Variants in GRID2IP observed in about 807,000 individuals in gnomAD.
GRID2IP encodes the protein delphilin.
A neutral mutation model predicts 114.3 loss-of-function variants in GRID2IP; 78 were observed. The ratio of observed to expected loss-of-function variants is 0.68; its 90% CI spans 0.57 to 0.82. The LOEUF (loss-of-function observed/expected upper bound fraction) is 0.82. GRID2IP is among the 40% of genes least tolerant of loss of function. The pLI, the probability that GRID2IP is intolerant of heterozygous loss-of-function variation, is 0.00. For missense variants in GRID2IP, 1,727 were observed against 1,678.5 expected (o/e 1.03, Z -0.51); for synonymous variants, 809 against 724.0 (o/e 1.12, Z -1.89).
intron 4 of GRID2IP, among the ~76,000 whole-genome samples, chr7:6,525,942 G>C (rs1779501617): frequency 6.6e-6 from 1 of 152,166 alleles, no homozygotes; most frequent in South Asian, 2.1e-4. Context: ...GCAGAACCTG[G>C]TTCCCTTGGC....
chr7:6,521,942 T>A lies in GRID2IP; in HGVS notation c.935A>T (p.Asn312Ile), dbSNP rs1280464883. 2 of 1,551,364 alleles carry A rather than the reference T, an allele frequency of 1.3e-6. No individual in the cohort carries two copies. The highest frequency in any genetic ancestry group is 1.7e-6 in the Non-Finnish European group (2 of 1,146,830). ...CCGGTCACCTGACTTGAGGGCAGCA[T>A]TGTCAGCTGGGCTCCCTGGAAGCAA... The part of the protein sequence containing the change: ...ESVLPGSPAD[N>I]AALKSGDRIL... The change falls in exon 5 of 22, where the codon AAT becomes ATT. Residue 312 changes from asparagine (N) to isoleucine (I), a missense_variant. By Grantham distance (149) the Asn-to-Ile change is moderately radical. Transcript: ENST00000457091. This position sits in a 1 kb window ranked among gnomAD's most constrained non-coding sequence, Gnocchi z 4.1.
intron 8 of GRID2IP, among the ~76,000 whole-genome samples, chr7:6,513,788 A>C (rs939331250): frequency 6.6e-5 from 10 of 151,954 alleles, no homozygotes; most frequent in Non-Finnish European, 1.3e-4. Context: ...CGGCTGTAAG[A>C]CCTCATAGGT....
chr7:6,512,642 T>A (rs938839480), intron 8 of GRID2IP, among the ~76,000 whole-genome samples: 2 of 151,792 alleles, frequency 1.3e-5, no homozygotes, highest in Admixed American at 6.6e-5. Context: ...TCCCGAGTAG[T>A]TGGAATTACA....
At position 6,526,804 on chromosome 7, in the gene GRID2IP, C is replaced by T; in HGVS notation, c.585-35G>A. 6.8e-7 allele frequency: 1 copy of T among 1,474,570 alleles called. No homozygotes were observed. The highest frequency in any genetic ancestry group is 1.5e-5 in the African/African-American group (1 of 67,870). The allele number at this position is 1,474,570 out of a possible 1,614,324, so 91.3% of individuals were successfully genotyped here. A position where few individuals can be genotyped will look rare whatever the true frequency, so the allele number is the denominator to read the frequency against. On this transcript the variant is annotated intron_variant, in intron 2 of 21. Coordinates refer to ENST00000457091, the MANE Select transcript of GRID2IP (RefSeq NM_001145118.2). This position sits in a 1 kb window ranked among gnomAD's most constrained non-coding sequence, Gnocchi z 7.6. ...AGGACGGCGGAGTCGGGGCGCGTTCCCGGACCCCGGATCTCTGCAAACCGC... is the reference window on the plus strand; with the variant it reads ...AGGACGGCGGAGTCGGGGCGCGTTCTCGGACCCCGGATCTCTGCAAACCGC...
chr7:6,503,281 G>T, intron 16 of GRID2IP, 118 bp from the exon 17 acceptor site: 1 of 1,161,728 alleles, frequency 8.6e-7, no homozygotes, highest in Non-Finnish European at 1.2e-6. Flanking sequence ...TATTCCGGTA[G>T]GAAGAATAAG....
chr7:6,514,541 T>C lies in GRID2IP; in HGVS notation c.1269-12A>G, dbSNP rs778201484. ...GGGTGTCGATGTTCCTGGGGGAAGGTGCAGGAATGTGAGGCTCAATACTCA... is the reference window on the plus strand; with the variant it reads ...GGGTGTCGATGTTCCTGGGGGAAGGCGCAGGAATGTGAGGCTCAATACTCA... On this transcript the variant is annotated splice_polypyrimidine_tract_variant and intron_variant, in intron 7 of 21. Coordinates refer to ENST00000457091, the MANE Select transcript of GRID2IP (RefSeq NM_001145118.2). 4.9e-5 allele frequency: 74 copies of C among 1,499,224 alleles called. 1 individual carries two copies. In the South Asian group the frequency reaches 8.8e-4, roughly 18 times the overall value. 92.9% of individuals were successfully genotyped at this position (1,499,224 alleles called of 1,614,324 possible). A position where few individuals can be genotyped will look rare whatever the true frequency, so the allele number is the denominator to read the frequency against.
At chr7:6,548,603 C>T (rs546215459) in intron 1 of GRID2IP, among the ~76,000 whole-genome samples, 13 of 151,708 alleles carry the variant, frequency 8.6e-5, no homozygotes, top group Middle Eastern at 6.8e-3. Flanking sequence ...TCTGGGAGGC[C>T]GCAGCAGATG....
chr7:6,510,370 G>A lies in GRID2IP; in HGVS notation c.1684C>T (p.Arg562Ter), dbSNP rs1786739073. ...MSAVYAELES[R>*]LNSSFKGKMG... ...TTCCCTTTGAAGCTGCTGTTCAGTC[G>A]AGACTCAAGCTCTGCATAGACGGCT... is the stretch of plus-strand genomic sequence containing the variant. The change falls in exon 11 of 22, where the codon CGA (arginine) becomes TGA (stop). Residue 562 changes from arginine (R) to a stop codon, truncating the protein, a stop_gained. Coordinates refer to ENST00000457091, the MANE Select transcript of GRID2IP (RefSeq NM_001145118.2). LOFTEE classifies it high-confidence loss of function. The A allele has an allele frequency of 6.5e-7, 1 of 1,545,892 alleles. No homozygotes were observed. The highest frequency in any genetic ancestry group is 8.7e-7 in the Non-Finnish European group (1 of 1,144,406).
intron 21 of GRID2IP, 55 bp from the exon 22 acceptor site, chr7:6,497,900 G>A (rs1786301251): frequency 1.4e-6 from 2 of 1,463,304 alleles, no homozygotes; most frequent in South Asian, 2.5e-5. Context: ...AACCTGTGAC[G>A]CCTTCCCTGT....
At chr7:6,499,128 T>C (rs1295161390) in intron 20 of GRID2IP, among the ~76,000 whole-genome samples, 1 of 152,170 alleles carries the variant, frequency 6.6e-6, no homozygotes, top group African/African-American at 2.4e-5. Context: ...CTCTATGAGG[T>C]AGATTATCTC....
chr7:6,545,560 G>A (rs1188988225), intron 1 of GRID2IP, among the ~76,000 whole-genome samples: 2 of 152,176 alleles, frequency 1.3e-5, no homozygotes, highest in Non-Finnish European at 2.9e-5. Context: ...GAGAAGTAGC[G>A]GGAAGCTTCG....
chr7:6,510,672 CA>C lies in GRID2IP; in HGVS notation c.1589del (p.Leu530ArgfsTer22), dbSNP rs1779128377. On this transcript the variant is annotated frameshift_variant, in exon 10 of 22. Transcript: ENST00000457091. LOFTEE classifies it high-confidence loss of function. Reference protein sequence around the residue: ...PSECPEMPLPLIPGERQAGDG... With the variant: ...PSECPEMPLPXIPGERQAGDG... Reference sequence around the variant, plus strand: ...CGCCTGCCTGGCGCTCGCCTGGGATCAGGGGAAGAGGCATCTCAGGGCACTC... The same window carrying C: ...CGCCTGCCTGGCGCTCGCCTGGGATCGGGGAAGAGGCATCTCAGGGCACTC... The C allele has an allele frequency of 1.3e-6, 2 of 1,542,680 alleles. No individual in the cohort carries two copies. Among genetic ancestry groups the C allele is most frequent in the Non-Finnish European group, 8.7e-7 (1 of 1,144,400 alleles).
At chr7:6,529,688 G>A (rs1349714595) in intron 2 of GRID2IP, among the ~76,000 whole-genome samples, 2 of 152,142 alleles carry the variant, frequency 1.3e-5, no homozygotes, top group African/African-American at 2.4e-5. Flanking sequence ...GCAGAGCCAG[G>A]AGCAGTGGGG....
chr7:6,530,926 G>T (rs1779608857), intron 2 of GRID2IP: 1 of 478,112 alleles, frequency 2.1e-6, no homozygotes, highest in Admixed American at 4.3e-5. Flanking sequence ...CTCGGGCTCC[G>T]CCCAGGCTCG....
chr7:6,538,148 A>T (rs563235502), intron 2 of GRID2IP, among the ~76,000 whole-genome samples: 1 of 152,102 alleles, frequency 6.6e-6, no homozygotes, highest in Admixed American at 6.6e-5. Flanking sequence ...TGGGCGATTG[A>T]CTGAGCTCAG....
chr7:6,530,941 G>A (rs1334052951), intron 2 of GRID2IP: 7 of 500,798 alleles, frequency 1.4e-5, no homozygotes, highest in Admixed American at 4.2e-5. Flanking sequence ...GGCTCGGAGG[G>A]TGCCCACCCA....
intron 8 of GRID2IP, among the ~76,000 whole-genome samples, chr7:6,514,040 T>G (rs1391539899): frequency 2.0e-5 from 3 of 148,986 alleles, no homozygotes; most frequent in African/African-American, 7.5e-5. Context: ...GATCATGAGG[T>G]CAGGAGATAG....
chr7:6,501,504 C>T (rs1786413852), intron 20 of GRID2IP, among the ~76,000 whole-genome samples: 1 of 152,208 alleles, frequency 6.6e-6, no homozygotes, highest in African/African-American at 2.4e-5. Context: ...GAGTTTTAGA[C>T]CAGCCTGGGC....
intron 8 of GRID2IP, among the ~76,000 whole-genome samples, chr7:6,513,715 C>G (rs1263053707): frequency 6.6e-6 from 1 of 152,194 alleles, no homozygotes; most frequent in Non-Finnish European, 1.5e-5. Flanking sequence ...GTGGGCCTAG[C>G]CCTGGTGTAT....
Sources: allele counts gnomAD v4.1 joint callset (sites outside exome capture counted in the v4.1 genomes callset), GRCh38; gene constraint gnomAD v4.1.1; non-coding constraint Gnocchi (gnomAD v3.1); transcripts MANE v1.5; gene names NCBI Gene and HGNC (gene_info 2026-07-23, HGNC 2026-07-21).